The following SLC13A2 variants were observed in gnomAD, a reference collection of about 807,000 sequenced individuals.
The protein encoded by SLC13A2 is solute carrier family 13 member 2, also known as Na(+)-coupled citrate transporter.
Under a neutral mutation model 58.5 loss-of-function variants are expected in SLC13A2, and 40 were observed. That is an observed-to-expected ratio of 0.68 (90% CI 0.53 to 0.89). The LOEUF (loss-of-function observed/expected upper bound fraction) is 0.89. SLC13A2 is among the 40% of genes least tolerant of loss of function. The probability of loss-of-function intolerance (pLI) is 0.00; values close to 1 mark genes in which losing one functional copy is unlikely to be tolerated. For synonymous variants in SLC13A2, 341 were observed against 331.6 expected (o/e 1.03, Z -0.31); for missense variants, 694 against 772.6 (o/e 0.90, Z 1.21).
intron 1 of SLC13A2, 152 bp from the exon 2 acceptor site, chr17:28,489,062 A>G (rs930761227): frequency 4.6e-6 from 4 of 873,258 alleles, no homozygotes; most frequent in African/African-American, 1.7e-5. Context: ...GCATTTTGAA[A>G]TGAGACCTTG....
At chr17:28,479,362 G>A (rs1203507941) in intron 1 of SLC13A2, among the ~76,000 whole-genome samples, 4 of 152,214 alleles carry the variant, frequency 2.6e-5, no homozygotes, top group African/African-American at 9.6e-5. Context: ...GGGGGCTCGA[G>A]TGAGGCCTTA....
Position 28,494,536 on chromosome 17 carries a change from T to A in SLC13A2, c.1308+24T>A, listed in dbSNP as rs782105942. 1.9e-5 allele frequency: 30 copies of A among 1,613,434 alleles called. No individual in the cohort carries two copies. The African/African-American group carries it at 3.7e-4, about 20-fold the overall frequency. On this transcript the variant is annotated intron_variant, in intron 9 of 11. Coordinates refer to ENST00000314669, the MANE Select transcript of SLC13A2 (RefSeq NM_003984.4). The surrounding 1 kb of genome is among the most constrained non-coding windows in gnomAD (Gnocchi z 4.0). ...AGGTGAGAGGCCCCCAGCCCCCTCC[T>A]CAGCCTGTGTGAGGGTGTCTCTGTG...
intron 5 of SLC13A2, 53 bp downstream of exon 5, chr17:28,491,670 T>TGCA: frequency 6.2e-7 from 1 of 1,607,040 alleles, no homozygotes. Flanking sequence ...CACTGGGAGG[T>TGCA]GAATGGGGCT....
intron 1 of SLC13A2, among the ~76,000 whole-genome samples, chr17:28,482,873 T>A (rs1212732278): frequency 6.6e-6 from 1 of 152,142 alleles, no homozygotes; most frequent in Non-Finnish European, 1.5e-5. Flanking sequence ...CGGGGCCCCT[T>A]CTCCTCTGAG....
chr17:28,494,054 A>G lies in SLC13A2; in HGVS notation c.1135A>G (p.Ile379Val), dbSNP rs2069089269. The G allele has an allele frequency of 6.2e-7, 1 of 1,612,138 alleles. No individual in the cohort carries two copies. Among genetic ancestry groups the G allele is most frequent in the Non-Finnish European group, 8.5e-7 (1 of 1,179,242 alleles). Residue 379 changes from isoleucine (I) to valine (V), a missense_variant, in exon 8 of 12, where the codon ATA (isoleucine) becomes GTA (valine). By Grantham distance (29) the Ile-to-Val change is conservative (BLOSUM62 3). Transcript: ENST00000314669. This position sits in a 1 kb window ranked among gnomAD's most constrained non-coding sequence, Gnocchi z 4.0. ...TGGGACAGTGGCCATCTTCATCGGC[A>G]TAATTATGTTCATCATACCCTCCAA... ...SDGTVAIFIGIIMFIIPSKFP... is the reference protein window; with the variant it reads ...SDGTVAIFIGVIMFIIPSKFP...
chr17:28,491,896 A>T, intron 6 of SLC13A2, 44 bp downstream of exon 6: 2 of 1,591,368 alleles, frequency 1.3e-6, no homozygotes, highest in Non-Finnish European at 1.7e-6. Context: ...CCCTGCCCTT[A>T]GCCCTGGGAG....
Position 28,493,676 on chromosome 17 carries a change from A to G in SLC13A2, c.984A>G (p.Ala328=), listed in dbSNP as rs2069075805. 1.9e-6 allele frequency: 3 copies of G among 1,614,132 alleles called. No individual in the cohort carries two copies. The highest frequency in any genetic ancestry group is 1.7e-6 in the Non-Finnish European group (2 of 1,180,052). The change falls in exon 7 of 12, where the codon GCA becomes GCG. Residue 328 remains alanine, a synonymous_variant. Coordinates refer to ENST00000314669, the MANE Select transcript of SLC13A2 (RefSeq NM_003984.4). The part of the protein sequence containing the change: ...EHRLLGPMTF[A]EKAISILFVI... ...GGCTGCTGGGCCCCATGACCTTTGC[A>G]GAAAAGGCCATCAGCATCCTATTCG...
In SLC13A2 at chr17:28,474,576, T is replaced by C. The variant is rs182579778; in HGVS notation, c.102+762T>C. Among the ~76,000 whole-genome samples, 197 of 152,262 alleles carry C rather than the reference T, an allele frequency of 1.3e-3. 2 individuals carry two copies. The highest frequency in any genetic ancestry group is 3.4e-3 in the Middle Eastern group (1 of 294). ...CATTTGACAAATGGGGAAGGTGAGG[T>C]TAAGTCACTTAGTCAAAGTCCCAGG... On this transcript the variant is annotated intron_variant, in intron 1 of 11. Transcript: ENST00000314669.
In SLC13A2 at chr17:28,494,314, C is replaced by A; in HGVS notation, c.1187-77C>A. 1 of 1,613,198 alleles carries A rather than the reference C, an allele frequency of 6.2e-7. No homozygotes were observed. Among genetic ancestry groups the A allele is most frequent in the Non-Finnish European group, 8.5e-7 (1 of 1,179,462 alleles). ...CGCGTTAAGCTCCAAAAGGGACCCACACAGGGAGCCCGCAAATGGAGAGGG... is the reference window on the plus strand; with the variant it reads ...CGCGTTAAGCTCCAAAAGGGACCCAAACAGGGAGCCCGCAAATGGAGAGGG... On this transcript the variant is annotated intron_variant, in intron 8 of 11. Coordinates refer to ENST00000314669, the MANE Select transcript of SLC13A2 (RefSeq NM_003984.4). This position sits in a 1 kb window ranked among gnomAD's most constrained non-coding sequence, Gnocchi z 4.0.
chr17:28,490,285 A>G (rs1190648515), intron 2 of SLC13A2, 169 bp from the exon 3 acceptor site: 1 of 1,575,394 alleles, frequency 6.3e-7, no homozygotes, highest in South Asian at 1.2e-5. Context: ...AAAAAGTTAA[A>G]TTTATTTTTT....
Position 28,490,815 on chromosome 17 carries a change from C to G in SLC13A2, c.483C>G (p.Ser161Arg). The G allele has an allele frequency of 6.2e-7, 1 of 1,614,024 alleles. No individual in the cohort carries two copies. The highest frequency in any genetic ancestry group is 8.5e-7 in the Non-Finnish European group (1 of 1,179,976). ...ATGCCGTCCTGGACCAGCTGCACAGCTCGCAAGCCAGCAGCAACGTCGAGG... is the reference window on the plus strand; with the variant it reads ...ATGCCGTCCTGGACCAGCTGCACAGGTCGCAAGCCAGCAGCAACGTCGAGG... ...IAHAVLDQLH[S>R]SQASSNVEEG... Residue 161 changes from serine to arginine, a missense_variant, in exon 4 of 12, where the codon AGC becomes AGG. Coordinates refer to ENST00000314669, the MANE Select transcript of SLC13A2 (RefSeq NM_003984.4).
rs1483901642 is a variant in SLC13A2, at chr17:28,496,867, G to A, written c.1609-232G>A. 1.3e-5 allele frequency among the ~76,000 whole-genome samples: 2 copies of A among 152,244 alleles called. No homozygotes were observed. The highest frequency in any genetic ancestry group is 2.9e-5 in the Non-Finnish European group (2 of 68,042). On this transcript the variant is annotated intron_variant, in intron 11 of 11. Coordinates refer to ENST00000314669, the MANE Select transcript of SLC13A2 (RefSeq NM_003984.4). The surrounding 1 kb of genome is among the most constrained non-coding windows in gnomAD (Gnocchi z 4.2). The stretch of plus-strand genomic sequence containing the variant: ...CCACACTCAGGGAGATGAGCTCAGA[G>A]AGAACAAGCCCAGGGCCCTGGAAGC...
chr17:28,489,569 C>T (rs952285867), intron 2 of SLC13A2, among the ~76,000 whole-genome samples: 10 of 152,104 alleles, frequency 6.6e-5, no homozygotes, highest in African/African-American at 2.4e-4. Flanking sequence ...ATTAGCCAGC[C>T]GTAGGTGGGA....
intron 6 of SLC13A2, among the ~76,000 whole-genome samples, chr17:28,492,760 C>T (rs979134608): frequency 6.6e-6 from 1 of 152,204 alleles, no homozygotes; most frequent in African/African-American, 2.4e-5. Context: ...AGTATCAAGT[C>T]TGTGATTGAT....
At chr17:28,490,970 G>C (rs2069007370) in intron 4 of SLC13A2, 64 bp downstream of exon 4, 6 of 1,444,374 alleles carry the variant, frequency 4.2e-6, no homozygotes, top group East Asian at 2.5e-5. Context: ...CTGAGGGTCT[G>C]TCCGTTTCGA....
intron 1 of SLC13A2, among the ~76,000 whole-genome samples, chr17:28,476,797 G>A (rs1238609413): frequency 2.0e-5 from 3 of 152,104 alleles, no homozygotes; most frequent in Non-Finnish European, 4.4e-5. Context: ...TCGGCTCCGT[G>A]AGGACAGGGA....
chr17:28,487,863 T>C (rs2068913647), intron 1 of SLC13A2, among the ~76,000 whole-genome samples: 1 of 152,218 alleles, frequency 6.6e-6, no homozygotes, highest in South Asian at 2.1e-4. Context: ...GGTGGGGCTA[T>C]GTGCAGTTGG....
intron 2 of SLC13A2, 53 bp from the exon 3 acceptor site, chr17:28,490,401 C>G: frequency 6.2e-7 from 1 of 1,614,044 alleles, no homozygotes; most frequent in Non-Finnish European, 8.5e-7. Flanking sequence ...CTCGGGGGCA[C>G]CGTGGGAGAC....
At chr17:28,493,864 C>T (rs781887840) in intron 7 of SLC13A2, 75 bp downstream of exon 7, 4 of 1,546,232 alleles carry the variant, frequency 2.6e-6, no homozygotes, top group South Asian at 1.1e-5. Context: ...GGTATAGGGC[C>T]CCCATTGCAG....
Sources: allele counts gnomAD v4.1 joint callset (sites outside exome capture counted in the v4.1 genomes callset), GRCh38; gene constraint gnomAD v4.1.1; non-coding constraint Gnocchi (gnomAD v3.1); transcripts MANE v1.5; gene names NCBI Gene and HGNC (gene_info 2026-07-23, HGNC 2026-07-21).